The following ACYP2 variants were observed in gnomAD, a reference collection of about 807,000 sequenced individuals.
ACYP2 encodes acylphosphatase 2, also known as acylphosphatase-2.
Under a neutral mutation model 11.2 loss-of-function variants are expected in ACYP2, and 12 were observed. The ratio of observed to expected loss-of-function variants is 1.08; its 90% CI spans 0.69 to 1.74. The LOEUF (loss-of-function observed/expected upper bound fraction) is 1.74, where lower values mean the gene tolerates loss of function less well. Among genes scored for constraint, ACYP2 ranks in the 40% most tolerant of loss-of-function variants. The probability of loss-of-function intolerance (pLI) is 0.00; values close to 1 mark genes in which losing one functional copy is unlikely to be tolerated. For missense variants in ACYP2, 134 were observed against 101.9 expected (o/e 1.31, Z -1.35); for synonymous variants, 43 against 32.2 (o/e 1.33, Z -1.13).
At chr2:54,258,182 A>G (rs1332326280) in intron 6 of ACYP2, among the ~76,000 whole-genome samples, 1 of 151,768 alleles carries the variant, frequency 6.6e-6, no homozygotes, top group Non-Finnish European at 1.5e-5. Flanking sequence ...TATAAGTGCT[A>G]TGGAAAAAAC....
intron 6 of ACYP2, among the ~76,000 whole-genome samples, chr2:54,175,236 A>G (rs193021698): frequency 1.3e-4 from 20 of 152,240 alleles, no homozygotes; most frequent in African/African-American, 4.1e-4. Flanking sequence ...CAGAGATTCA[A>G]CATCTTCCTG....
intron 4 of ACYP2, among the ~76,000 whole-genome samples, chr2:54,095,807 C>T (rs1432778727): frequency 1.8e-4 from 23 of 128,138 alleles, no homozygotes; most frequent in African/African-American, 6.6e-4. Flanking sequence ...CCACCTCCCT[C>T]CCGGACGGGG....
intron 2 of ACYP2, among the ~76,000 whole-genome samples, chr2:53,995,864 C>T (rs1005633520): frequency 1.3e-5 from 2 of 152,112 alleles, no homozygotes; most frequent in Non-Finnish European, 2.9e-5. Flanking sequence ...TGGGCACGGT[C>T]GTTCACGCCT....
intron 6 of ACYP2, among the ~76,000 whole-genome samples, chr2:54,141,305 C>T (rs535289360): frequency 6.6e-6 from 1 of 152,268 alleles, no homozygotes; most frequent in Non-Finnish European, 1.5e-5. Context: ...TTTTTATTAA[C>T]TCAAATATGG....
intron 2 of ACYP2, among the ~76,000 whole-genome samples, chr2:54,039,570 G>T (rs895666161): frequency 2.6e-5 from 4 of 151,978 alleles, no homozygotes; most frequent in African/African-American, 9.7e-5. Flanking sequence ...GGGACTACAC[G>T]TGTGCACTAT....
intron 6 of ACYP2, among the ~76,000 whole-genome samples, chr2:54,201,634 T>TTCTC (rs375404647): frequency 1.5e-5 from 1 of 64,876 alleles, no homozygotes; most frequent in Non-Finnish European, 3.5e-5. Flanking sequence ...GTTTCTTTCT[T>TTCTC]TCTCTTTCTT....
intron 4 of ACYP2, among the ~76,000 whole-genome samples, chr2:54,087,958 A>G (rs1490546099): frequency 1.3e-5 from 2 of 152,252 alleles, no homozygotes; most frequent in African/African-American, 2.4e-5. Context: ...CAAAGATGGG[A>G]GAACTTTTTG....
chr2:54,115,423 G>A (rs996652918), intron 4 of ACYP2, 192 bp from the exon 1 acceptor site: 7 of 710,848 alleles, frequency 9.8e-6, no homozygotes, highest in Non-Finnish European at 1.5e-5. Context: ...AGGGAGCGCT[G>A]TGGAGACAGC....
intron 6 of ACYP2, chr2:54,254,942 G>T: frequency 6.2e-7 from 1 of 1,612,772 alleles, no homozygotes; most frequent in Non-Finnish European, 8.5e-7. Context: ...AACCCAAAGG[G>T]CCTGGGGATC....
intron 4 of ACYP2, among the ~76,000 whole-genome samples, chr2:54,096,153 G>C (rs1428689120): frequency 1.4e-5 from 2 of 139,710 alleles, no homozygotes; most frequent in Non-Finnish European, 3.1e-5. Context: ...CTCACTTCTC[G>C]GACGGGGCGG....
rs752455993 is a variant in ACYP2, at chr2:54,224,511, C to A, written c.405-80177C>A. 1.3e-4 allele frequency among the ~76,000 whole-genome samples: 20 copies of A among 152,128 alleles called. 2 individuals are homozygous for A. Among genetic ancestry groups the A allele is most frequent in the Admixed American group, 1.3e-3 (20 of 15,268 alleles). On this transcript the variant is annotated intron_variant, in intron 6 of 6. Coordinates refer to ENST00000607452, the MANE Select transcript of ACYP2 (RefSeq NM_001320586.2). ...TGCAAAAAAGGTTAAAGCAAAGACA[C>A]CACTCAAAGGTGGGCATGACAGTGT...
At chr2:54,153,999 T>C (rs1188668652) in intron 6 of ACYP2, among the ~76,000 whole-genome samples, 12 of 152,154 alleles carry the variant, frequency 7.9e-5, no homozygotes. Flanking sequence ...ATCAATGTTA[T>C]ATTTTTCAGT....
At chr2:54,250,892 C>A (rs1001685416) in intron 6 of ACYP2, among the ~76,000 whole-genome samples, 1 of 152,100 alleles carries the variant, frequency 6.6e-6, no homozygotes, top group Non-Finnish European at 1.5e-5. Context: ...TTGTTTTTAT[C>A]TCTTAATTAT....
chr2:54,259,452 G>T (rs188264847), intron 6 of ACYP2, among the ~76,000 whole-genome samples: 44 of 152,316 alleles, frequency 2.9e-4, no homozygotes, highest in African/African-American at 1.0e-3. Context: ...AGGAAAAACA[G>T]CAAGGAAGAC....
At chr2:54,213,941 A>C (rs1035475268) in intron 6 of ACYP2, among the ~76,000 whole-genome samples, 5 of 151,522 alleles carry the variant, frequency 3.3e-5, no homozygotes, top group African/African-American at 1.2e-4. Flanking sequence ...TTATTTTTTT[A>C]TTTTTATTTT....
chr2:54,296,977 A>G (rs1412565950), intron 6 of ACYP2, among the ~76,000 whole-genome samples: 1 of 152,234 alleles, frequency 6.6e-6, no homozygotes, highest in Non-Finnish European at 1.5e-5. Flanking sequence ...GGGACATTCA[A>G]GCAAATATAA....
At chr2:54,251,741 G>T (rs1008738038) in intron 6 of ACYP2, among the ~76,000 whole-genome samples, 1 of 152,204 alleles carries the variant, frequency 6.6e-6, no homozygotes, top group African/African-American at 2.4e-5. Context: ...TTATAGTCTT[G>T]AAAATAGAGA....
chr2:54,040,876 TA>T (rs1675183803), intron 2 of ACYP2, among the ~76,000 whole-genome samples: 1 of 152,070 alleles, frequency 6.6e-6, no homozygotes, highest in Non-Finnish European at 1.5e-5. Flanking sequence ...ATGGAGGTAG[TA>T]GCTGAAAGAG....
intron 4 of ACYP2, among the ~76,000 whole-genome samples, chr2:54,061,834 G>C (rs578137708): frequency 3.0e-4 from 46 of 152,156 alleles, no homozygotes; most frequent in Non-Finnish European, 5.7e-4. Context: ...GTCATTTTGA[G>C]AGGGCAAGGT....
Sources: allele counts gnomAD v4.1 joint callset (sites outside exome capture counted in the v4.1 genomes callset), GRCh38; gene constraint gnomAD v4.1.1; transcripts MANE v1.5; gene names NCBI Gene and HGNC (gene_info 2026-07-23, HGNC 2026-07-21).